SEPTIN12: variants seen among roughly 807,000 people sequenced by gnomAD.
SEPTIN12 encodes the protein septin 12.
In SEPTIN12, 42 loss-of-function variants were observed where a neutral mutation model predicts 37.7. The ratio of observed to expected loss-of-function variants is 1.11; its 90% CI spans 0.87 to 1.44. The LOEUF is 1.44. Ranked by LOEUF, SEPTIN12 falls within the 40% of genes most tolerant of loss-of-function variation. The pLI is 0.00. For missense variants in SEPTIN12, 613 were observed against 479.2 expected (o/e 1.28, Z -2.61); for synonymous variants, 254 against 196.7 (o/e 1.29, Z -2.44).
At chr16:4,783,850 C>T (rs1046085059) in intron 5 of SEPTIN12, 81 bp downstream of exon 5, 19 of 1,601,902 alleles carry the variant, frequency 1.2e-5, no homozygotes, top group East Asian at 6.7e-5. Context: ...TGGGGGCAGC[C>T]GGCAGCCCAT....
rs776599732 is a variant in SEPTIN12, at chr16:4,783,728, C to T, written c.551G>A (p.Cys184Tyr). The change falls in exon 6 of 10, where the codon TGC (cysteine) becomes TAC (tyrosine). Residue 184 changes from cysteine (C) to tyrosine (Y), a missense_variant. Transcript: ENST00000268231. ...CACGGGCACCACATTCACAGTCCGG[C>T]ACAGCCGCTGCAGGAACTCAATGTC... ...PLDIEFLQRLCRTVNVVPVIA... is the reference protein window; with the variant it reads ...PLDIEFLQRLYRTVNVVPVIA... 4 of 1,614,040 alleles carry T rather than the reference C, an allele frequency of 2.5e-6. No individual in the cohort carries two copies. In the Admixed American group the frequency reaches 5.0e-5, roughly 20 times the overall value.
rs1328381097 is a variant in SEPTIN12, at chr16:4,786,039, T to C, written c.233A>G (p.Asn78Ser). Residue 78 changes from asparagine (N) to serine (S), a missense_variant, in exon 3 of 10, where the codon AAC becomes AGC. Physicochemically the swap from Asn to Ser is conservative, Grantham distance 46 (BLOSUM62 1). Transcript: ENST00000268231. ...TGTGGGCACCCCCAAGCCCGGTGGG[T>C]TTGACTTCCACACTTTGGACTTGAA... The part of the protein sequence containing the change: ...TLFKSKVWKS[N>S]PPGLGVPTPQ... 2 of 1,613,916 alleles carry C rather than the reference T, an allele frequency of 1.2e-6. No individual in the cohort carries two copies. Among genetic ancestry groups the C allele is most frequent in the South Asian group, 2.2e-5 (2 of 91,058 alleles).
intron 7 of SEPTIN12, 90 bp downstream of exon 7, chr16:4,783,372 C>T (rs1355759166): frequency 5.0e-6 from 5 of 991,606 alleles, no homozygotes; most frequent in Admixed American, 3.4e-5. Context: ...TGCACATTTC[C>T]CTGAGATGTA....
At position 4,784,896 on chromosome 16, in the gene SEPTIN12, G is replaced by C. The variant is rs2082418978; in HGVS notation, c.375-828C>G. The stretch of plus-strand genomic sequence containing the variant: ...AGGCTGAAGCAAGTGGATCACCTGA[G>C]GTCAGTAGTTCGAGACCAGCCTGGC... On this transcript the variant is annotated intron_variant, in intron 4 of 9. Coordinates refer to ENST00000268231, the MANE Select transcript of SEPTIN12 (RefSeq NM_144605.5). Among the ~76,000 whole-genome samples, 3 of 152,258 alleles carry C rather than the reference G, an allele frequency of 2.0e-5. No homozygotes were observed. In the South Asian group the frequency reaches 6.2e-4, roughly 32 times the overall value.
chr16:4,780,847 G>A (rs1483233966), intron 7 of SEPTIN12, among the ~76,000 whole-genome samples: 5 of 152,102 alleles, frequency 3.3e-5, no homozygotes, highest in Non-Finnish European at 7.4e-5. Context: ...GTGTGGTGGC[G>A]CATGCCTGTA....
upstream of SEPTIN12, among the ~76,000 whole-genome samples, chr16:4,789,243 C>T (rs755843645): frequency 2.0e-4 from 30 of 152,160 alleles, no homozygotes; most frequent in Non-Finnish European, 3.2e-4. Flanking sequence ...AGCTTCTGAC[C>T]TCAAGTGATC....
At chr16:4,782,500 A>G (rs944328162) in intron 7 of SEPTIN12, among the ~76,000 whole-genome samples, 1 of 152,172 alleles carries the variant, frequency 6.6e-6, no homozygotes, top group South Asian at 2.1e-4. Context: ...GAGTAACTGC[A>G]TGTTTAAGCA....
At chr16:4,789,051 C>T (rs930371824), upstream of SEPTIN12, among the ~76,000 whole-genome samples, 13 of 152,216 alleles carry the variant, frequency 8.5e-5, no homozygotes, top group African/African-American at 3.1e-4. Flanking sequence ...GACAGCCTCG[C>T]TCTGTTGCCC....
chr16:4,778,251 C>T, intron 8 of SEPTIN12, 114 bp from the exon 9 acceptor site: 3 of 1,070,552 alleles, frequency 2.8e-6, no homozygotes, highest in Admixed American at 2.0e-5. Flanking sequence ...TTCTCTTTAC[C>T]CTATCCTGCC....
At chr16:4,781,372 C>T (rs112329984) in intron 7 of SEPTIN12, among the ~76,000 whole-genome samples, 1 of 152,082 alleles carries the variant, frequency 6.6e-6, no homozygotes, top group African/African-American at 2.4e-5. Context: ...CAACCATCAT[C>T]GCAATCTAAT....
At chr16:4,781,696 G>T (rs894156524) in intron 7 of SEPTIN12, among the ~76,000 whole-genome samples, 5 of 150,974 alleles carry the variant, frequency 3.3e-5, no homozygotes, top group African/African-American at 1.2e-4. Flanking sequence ...CCAGGCTGGG[G>T]TGCAACGGTG....
At chr16:4,789,356 C>T (rs372264002), upstream of SEPTIN12, among the ~76,000 whole-genome samples, 36 of 150,260 alleles carry the variant, frequency 2.4e-4, no homozygotes, top group African/African-American at 7.6e-4. Context: ...GACGGAGTCT[C>T]GCTCTGTCAC....
chr16:4,787,733 T>C (rs1285717649), intron 1 of SEPTIN12, 66 bp from the exon 2 acceptor site: 1 of 672,142 alleles, frequency 1.5e-6, no homozygotes, highest in Non-Finnish European at 2.5e-6. Context: ...TGACCTCTCC[T>C]ATCTGAACCC....
In SEPTIN12 at chr16:4,783,301, G is replaced by T. The variant is rs976925989; in HGVS notation, c.726+161C>A. 5 of 650,670 alleles carry T rather than the reference G, an allele frequency of 7.7e-6. No homozygotes were observed. In the South Asian group the frequency reaches 8.8e-5, roughly 11 times the overall value. The allele number at this position is 650,670 out of a possible 1,614,324, so 40.3% of individuals were successfully genotyped here. On this transcript the variant is annotated intron_variant, in intron 7 of 9. Coordinates refer to ENST00000268231, the MANE Select transcript of SEPTIN12 (RefSeq NM_144605.5). ...ATTCTGTGGGTTGTTAGTGTGAGCT[G>T]TTATTTCTTGCTCACCTTGAGCTTG... is the stretch of plus-strand genomic sequence containing the variant.
At position 4,787,155 on chromosome 16, in the gene SEPTIN12, C is replaced by T. The variant is rs368077814; in HGVS notation, c.166+325G>A. ...CCTTTCAAAGTGCTGGAATTACAGGCTTGAGCCACCATGCCCGGCCTCATT... is the reference window on the plus strand; with the variant it reads ...CCTTTCAAAGTGCTGGAATTACAGGTTTGAGCCACCATGCCCGGCCTCATT... On this transcript the variant is annotated intron_variant, in intron 2 of 9. Transcript: ENST00000268231. 2.0e-5 allele frequency among the ~76,000 whole-genome samples: 3 copies of T among 152,058 alleles called. No individual in the cohort carries two copies. In the East Asian group the frequency reaches 5.8e-4, roughly 29 times the overall value.
At chr16:4,787,435 T>C (rs1489122828) in intron 2 of SEPTIN12, 45 bp downstream of exon 2, 16 of 1,588,774 alleles carry the variant, frequency 1.0e-5, no homozygotes, top group Non-Finnish European at 4.3e-6. Context: ...CAGGCACGCG[T>C]AGCACTGTGG....
At chr16:4,779,112 C>G (rs371481826) in intron 8 of SEPTIN12, among the ~76,000 whole-genome samples, 1 of 151,470 alleles carries the variant, frequency 6.6e-6, no homozygotes, top group African/African-American at 2.4e-5. Flanking sequence ...CACTCCAGCT[C>G]GGGTGACACT....
rs531339952 is a variant in SEPTIN12, at chr16:4,777,688, C to T, written c.*109G>A. ...AATGCCTTTTGTTTTCAAAGCACAGCTTTTCATAAAAAGCAAGGCTCACAT... is the reference window on the plus strand; with the variant it reads ...AATGCCTTTTGTTTTCAAAGCACAGTTTTTCATAAAAAGCAAGGCTCACAT... On this transcript the variant is annotated 3_prime_UTR_variant, in exon 10 of 10. Transcript: ENST00000268231. The T allele has an allele frequency of 1.2e-6, 1 of 868,046 alleles. No homozygotes were observed. Among genetic ancestry groups the T allele is most frequent in the South Asian group, 1.9e-5 (1 of 51,788 alleles). The allele number at this position is 868,046 out of a possible 1,614,324, so 53.8% of individuals were successfully genotyped here.
At position 4,777,902 on chromosome 16, in the gene SEPTIN12, C is replaced by T. The variant is rs537969202; in HGVS notation, c.972G>A (p.Gly324=). 3 of 1,601,004 alleles carry T rather than the reference C, an allele frequency of 1.9e-6. No individual in the cohort carries two copies. The highest frequency in any genetic ancestry group is 3.5e-5 in the Admixed American group (2 of 57,052). The part of the protein sequence containing the change: ...RLNESHLLPR[G]PGWVNLAPAS... ...CCGGGGCCAGGTTCACCCAGCCGGG[C>T]CCGCGGGGCAGCAGGTGGCTTTCAT... The change falls in exon 10 of 10, where the codon GGG becomes GGA. Residue 324 remains glycine, a synonymous_variant. Transcript: ENST00000268231.
Sources: allele counts gnomAD v4.1 joint callset (sites outside exome capture counted in the v4.1 genomes callset), GRCh38; gene constraint gnomAD v4.1.1; transcripts MANE v1.5; gene names NCBI Gene and HGNC (gene_info 2026-07-23, HGNC 2026-07-21).